The following SEMA3D variants were observed in gnomAD, a reference collection of about 807,000 sequenced individuals.
SEMA3D encodes the protein semaphorin 3D, also known as semaphorin-3D.
Under a neutral mutation model 100.1 loss-of-function variants are expected in SEMA3D, and 84 were observed. That is an observed-to-expected ratio of 0.84 (90% CI 0.70 to 1.01). SEMA3D has a LOEUF of 1.01. Ranked by LOEUF, SEMA3D falls within the 50% of genes least tolerant of loss-of-function variation. The probability of loss-of-function intolerance (pLI) is 0.00; values close to 1 mark genes in which losing one functional copy is unlikely to be tolerated. For synonymous variants in SEMA3D, 312 were observed against 320.7 expected (o/e 0.97, Z 0.29); for missense variants, 875 against 934.1 (o/e 0.94, Z 0.82).
intron 1 of SEMA3D, among the ~76,000 whole-genome samples, chr7:85,171,762 TAATA>T (rs1489326943): frequency 6.6e-6 from 1 of 151,900 alleles, no homozygotes; most frequent in Non-Finnish European, 1.5e-5. Flanking sequence ...TTCACTAAAG[TAATA>T]AATAAAATTA....
intron 2 of SEMA3D, among the ~76,000 whole-genome samples, chr7:85,123,090 C>T (rs373256798): frequency 1.2e-4 from 19 of 152,172 alleles, no homozygotes; most frequent in African/African-American, 4.6e-4. Flanking sequence ...AATTGAGGTA[C>T]AGAGTTAAAT....
chr7:85,050,091 AC>A (rs1401746033), intron 9 of SEMA3D, among the ~76,000 whole-genome samples: 2 of 148,910 alleles, frequency 1.3e-5, no homozygotes, highest in African/African-American at 5.1e-5. Flanking sequence ...ACACACACAC[AC>A]ACACACACAC....
At position 85,076,821 on chromosome 7, in the gene SEMA3D, C is replaced by T. The variant is rs950559225; in HGVS notation, c.376-3740G>A. Among the ~76,000 whole-genome samples the T allele has an allele frequency of 1.2e-4, 18 of 152,168 alleles. 1 individual carries two copies. Among genetic ancestry groups the T allele is most frequent in the African/African-American group, 1.4e-4 (6 of 41,522 alleles). ...TTAAAATCTTTAAAATAGGGCTGTG[C>T]GCGGTGGCTCACGCCTGTAATCCCA... is the stretch of plus-strand genomic sequence containing the variant. On this transcript the variant is annotated intron_variant, in intron 5 of 18. Coordinates refer to ENST00000284136, the MANE Select transcript of SEMA3D (RefSeq NM_001384900.1).
chr7:85,056,595 T>C (rs1161347040), intron 8 of SEMA3D, among the ~76,000 whole-genome samples: 1 of 150,000 alleles, frequency 6.7e-6, no homozygotes, highest in Non-Finnish European at 1.5e-5. Flanking sequence ...GCTATATATA[T>C]AGCATTTATA....
intron 2 of SEMA3D, among the ~76,000 whole-genome samples, chr7:85,145,236 C>T (rs1449729434): frequency 1.3e-5 from 2 of 149,240 alleles, no homozygotes; most frequent in Admixed American, 6.7e-5. Flanking sequence ...TTATGTAAAA[C>T]CAAAAAAAAA....
At chr7:85,133,412 C>G (rs901864947) in intron 2 of SEMA3D, among the ~76,000 whole-genome samples, 1 of 151,968 alleles carries the variant, frequency 6.6e-6, no homozygotes, top group Non-Finnish European at 1.5e-5. Flanking sequence ...TTTTTTACAT[C>G]TTTCCCTCTT....
intron 3 of SEMA3D, among the ~76,000 whole-genome samples, chr7:85,120,937 A>G (rs1281328499): frequency 6.6e-6 from 1 of 152,156 alleles, no homozygotes; most frequent in Non-Finnish European, 1.5e-5. Flanking sequence ...TTACTCTTAG[A>G]TTTGACATCC....
intron 9 of SEMA3D, among the ~76,000 whole-genome samples, chr7:85,054,336 T>C (rs1230548285): frequency 1.3e-5 from 2 of 152,058 alleles, no homozygotes; most frequent in African/African-American, 2.4e-5. Context: ...ACAAATAATG[T>C]CAATCCACAA....
rs13231340 is a variant in SEMA3D, at chr7:85,011,066, G to A, written c.1768+1716C>T. On this transcript the variant is annotated intron_variant, in intron 17 of 18. Transcript: ENST00000284136. ...AAAACAAAACAAAACAACAAATAACGTAATTTGTAGCGCTTGCTGATTTTG... is the reference window on the plus strand; with the variant it reads ...AAAACAAAACAAAACAACAAATAACATAATTTGTAGCGCTTGCTGATTTTG... Among the ~76,000 whole-genome samples the A allele has an allele frequency of 5.9e-5, 9 of 151,502 alleles. No individual in the cohort carries two copies. In the East Asian group the frequency reaches 1.8e-3, roughly 30 times the overall value.
chr7:85,043,217 T>C (rs1253975877), intron 9 of SEMA3D, among the ~76,000 whole-genome samples: 1 of 151,974 alleles, frequency 6.6e-6, no homozygotes, highest in East Asian at 1.9e-4. Context: ...AATTCAGTCA[T>C]GTGTGGTGGG....
At chr7:85,162,763 C>A (rs1326734612) in intron 1 of SEMA3D, among the ~76,000 whole-genome samples, 1 of 152,076 alleles carries the variant, frequency 6.6e-6, no homozygotes, top group Middle Eastern at 3.2e-3. Flanking sequence ...CAAGCATATG[C>A]ACAAAAAGAA....
intron 9 of SEMA3D, among the ~76,000 whole-genome samples, chr7:85,044,675 T>G (rs1790957497): frequency 1.3e-5 from 2 of 152,074 alleles, no homozygotes; most frequent in Non-Finnish European, 2.9e-5. Flanking sequence ...AGTTCATGTG[T>G]GCTGGAGGCT....
At chr7:85,082,063 A>C (rs995509678) in intron 4 of SEMA3D, among the ~76,000 whole-genome samples, 1 of 152,224 alleles carries the variant, frequency 6.6e-6, no homozygotes, top group Non-Finnish European at 1.5e-5. Context: ...CTTGGAGCTC[A>C]GATGCATCTG....
At chr7:85,140,671 T>C (rs1790021425) in intron 2 of SEMA3D, 1 of 978,976 alleles carries the variant, frequency 1.0e-6, no homozygotes, top group Non-Finnish European at 1.2e-6. Flanking sequence ...AACACATTAT[T>C]AAGTGCTTCT....
At position 85,042,373 on chromosome 7, in the gene SEMA3D, A is replaced by G. The variant is rs561483659; in HGVS notation, c.862-88T>C. Reference sequence around the variant, plus strand: ...TGGTGGCTATTACAGGTAGTGTCTTATTGATGTCATTGTTTACAAAGACAC... The same window carrying G: ...TGGTGGCTATTACAGGTAGTGTCTTGTTGATGTCATTGTTTACAAAGACAC... On this transcript the variant is annotated intron_variant, in intron 9 of 18. Coordinates refer to ENST00000284136, the MANE Select transcript of SEMA3D (RefSeq NM_001384900.1). 8.2e-6 allele frequency: 7 copies of G among 856,728 alleles called. No homozygotes were observed. In the African/African-American group the frequency reaches 1.0e-4, roughly 12 times the overall value. 53.1% of individuals were successfully genotyped at this position (856,728 alleles called of 1,614,324 possible). A position where few individuals can be genotyped will look rare whatever the true frequency, so the allele number is the denominator to read the frequency against.
In SEMA3D at chr7:84,996,084, T is replaced by C. The variant is rs1422421302; in HGVS notation, c.*3356A>G. 6.6e-6 allele frequency: 1 copy of C among 151,956 alleles called. No individual in the cohort carries two copies. Among genetic ancestry groups the C allele is most frequent in the Non-Finnish European group, 1.5e-5 (1 of 67,850 alleles). 9.4% of individuals were successfully genotyped at this position (151,956 alleles called of 1,614,324 possible). ...ACATTCTAAAGGGAGGCTATTTCAG[T>C]TTTGATTTCCATTTGTATTATATAA... is the stretch of plus-strand genomic sequence containing the variant. On this transcript the variant is annotated 3_prime_UTR_variant, in exon 19 of 19. Transcript: ENST00000284136.
intron 1 of SEMA3D, among the ~76,000 whole-genome samples, chr7:85,161,553 G>A (rs917723780): frequency 6.6e-6 from 1 of 152,096 alleles, no homozygotes; most frequent in Admixed American, 6.6e-5. Context: ...ATGGTTGCGG[G>A]TGGAGTAGGC....
At chr7:85,164,159 G>T (rs1277144293) in intron 1 of SEMA3D, among the ~76,000 whole-genome samples, 1 of 152,052 alleles carries the variant, frequency 6.6e-6, no homozygotes, top group Non-Finnish European at 1.5e-5. Flanking sequence ...TTGAATAAAG[G>T]TCTATTTGAG....
intron 2 of SEMA3D, among the ~76,000 whole-genome samples, chr7:85,124,951 G>A (rs1428799610): frequency 6.6e-6 from 1 of 151,978 alleles, no homozygotes; most frequent in Non-Finnish European, 1.5e-5. Flanking sequence ...TTCTCCAATC[G>A]CATTATCCTG....
Sources: gnomAD v4.1 joint callset for allele counts (sites outside exome capture counted in the v4.1 genomes callset) on GRCh38, gnomAD v4.1.1 for gene constraint, MANE v1.5 for transcripts, NCBI Gene and HGNC (gene_info 2026-07-23, HGNC 2026-07-21) for gene names.